The following SCN3A variants were observed in gnomAD, a reference collection of about 807,000 sequenced individuals.
SCN3A encodes sodium channel protein type 3 subunit alpha.
A neutral mutation model predicts 187.6 loss-of-function variants in SCN3A; 60 were observed. The ratio of observed to expected loss-of-function variants is 0.32; its 90% CI spans 0.26 to 0.40. SCN3A has a LOEUF of 0.40. Ranked by LOEUF, SCN3A falls within the 10% of genes least tolerant of loss-of-function variation. SCN3A has a pLI of 1.00. For missense variants in SCN3A, 1,601 were observed against 2,428.2 expected (o/e 0.66, Z 7.16); for synonymous variants, 788 against 829.2 (o/e 0.95, Z 0.85).
intron 21 of SCN3A, among the ~76,000 whole-genome samples, chr2:165,107,026 A>G (rs754880351): frequency 5.3e-5 from 8 of 152,190 alleles, no homozygotes; most frequent in Non-Finnish European, 1.2e-4. Flanking sequence ...TGAAGATGAC[A>G]TCTGGCCTGG....
chr2:165,162,300 T>C lies in SCN3A; in HGVS notation c.1031+8A>G. On this transcript the variant is annotated splice_region_variant and intron_variant, in intron 9 of 27. Transcript: ENST00000283254. ...TCTATATCTTAAAAAATATATTATG[T>C]TTCTTACCCTGCATCTGAGCCATTT... The C allele has an allele frequency of 6.2e-7, 1 of 1,610,248 alleles. No individual in the cohort carries two copies. Among genetic ancestry groups the C allele is most frequent in the South Asian group, 1.1e-5 (1 of 90,270 alleles).
intron 21 of SCN3A, among the ~76,000 whole-genome samples, chr2:165,105,721 G>A (rs1004758313): frequency 1.3e-4 from 20 of 152,106 alleles, no homozygotes; most frequent in African/African-American, 4.8e-4. Context: ...AGTCCAGACT[G>A]GGAGTGGTGG....
At chr2:165,156,322 C>T (rs546277523) in intron 9 of SCN3A, among the ~76,000 whole-genome samples, 83 of 150,874 alleles carry the variant, frequency 5.5e-4, no homozygotes, top group East Asian at 2.4e-3. Context: ...CTGGCTAACA[C>T]AGTGAAACTC....
chr2:165,187,778 A>C (rs1691334787), intron 1 of SCN3A, among the ~76,000 whole-genome samples: 1 of 152,184 alleles, frequency 6.6e-6, no homozygotes, highest in African/African-American at 2.4e-5. Context: ...CTCTTCTCTT[A>C]CCTCTCACCA....
chr2:165,094,785 G>A (rs368094847), intron 25 of SCN3A, among the ~76,000 whole-genome samples: 4 of 152,100 alleles, frequency 2.6e-5, no homozygotes, highest in African/African-American at 4.8e-5. Context: ...TTTCACTGCC[G>A]ATAATTTTAC....
At chr2:165,179,655 C>T (rs1050088084) in intron 2 of SCN3A, 4 of 152,188 alleles carry the variant, frequency 2.6e-5, no homozygotes, top group African/African-American at 4.8e-5. Flanking sequence ...TCTAAGTCCT[C>T]GGAAGATAGG....
chr2:165,190,591 T>G (rs4667798), intron 1 of SCN3A, among the ~76,000 whole-genome samples: 11,192 of 142,398 alleles, frequency 0.079, 1,139 homozygotes, highest in East Asian at 0.46. Flanking sequence ...AAACTTTATA[T>G]ATATATAACT....
chr2:165,163,005 G>A (rs894056651), intron 7 of SCN3A, among the ~76,000 whole-genome samples, 177 bp from the exon 8 acceptor site: 4 of 152,176 alleles, frequency 2.6e-5, no homozygotes, highest in Non-Finnish European at 5.9e-5. Context: ...CACATGAACA[G>A]TGTGCTTGCT....
rs1574304741 is a variant in SCN3A, at chr2:165,177,124, T to C, written c.-50-680A>G. Reference sequence around the variant, plus strand: ...CCTATCTTTAGTATTTCCTTTCTTTTATTAAGCCAGACTCTGTTTCCTTCT... The same window carrying C: ...CCTATCTTTAGTATTTCCTTTCTTTCATTAAGCCAGACTCTGTTTCCTTCT... On this transcript the variant is annotated intron_variant, in intron 2 of 27. Coordinates refer to ENST00000283254, the MANE Select transcript of SCN3A (RefSeq NM_006922.4). Among the ~76,000 whole-genome samples the C allele has an allele frequency of 2.6e-5, 4 of 152,194 alleles. No homozygotes were observed. The East Asian group carries it at 7.7e-4, about 29-fold the overall frequency.
At chr2:165,133,369 T>TTTTGAGACAGAGTCTCCC (rs1435830427) in intron 15 of SCN3A, among the ~76,000 whole-genome samples, 2 of 152,192 alleles carry the variant, frequency 1.3e-5, no homozygotes, top group Non-Finnish European at 2.9e-5. Context: ...TATTATTTTT[T>TTTTGAGACAGAGTCTCCC]TTTGAGACAG....
At chr2:165,139,076 T>A (rs1687838018) in intron 14 of SCN3A, among the ~76,000 whole-genome samples, 2 of 152,226 alleles carry the variant, frequency 1.3e-5, no homozygotes, top group South Asian at 4.1e-4. Context: ...CCCAACTCAT[T>A]TAAGTGCTCC....
At chr2:165,164,822 T>A (rs569580521) in intron 5 of SCN3A, among the ~76,000 whole-genome samples, 3 of 152,298 alleles carry the variant, frequency 2.0e-5, no homozygotes, top group Admixed American at 1.3e-4. Context: ...CAGCAGTATC[T>A]GATAGAAATG....
At chr2:165,107,559 T>C (rs1402398316) in intron 21 of SCN3A, among the ~76,000 whole-genome samples, 1 of 152,254 alleles carries the variant, frequency 6.6e-6, no homozygotes, top group Non-Finnish European at 1.5e-5. Flanking sequence ...TAGATAAAAT[T>C]CAAGGCAGGT....
chr2:165,089,201 C>G lies in SCN3A; in HGVS notation c.*949G>C, dbSNP rs1250536727. 1.3e-5 allele frequency: 2 copies of G among 152,490 alleles called. No homozygotes were observed. Among genetic ancestry groups the G allele is most frequent in the Admixed American group, 6.6e-5 (1 of 15,238 alleles). The allele number at this position is 152,490 out of a possible 1,614,324, so 9.4% of individuals were successfully genotyped here. On this transcript the variant is annotated 3_prime_UTR_variant, in exon 28 of 28. Coordinates refer to ENST00000283254, the MANE Select transcript of SCN3A (RefSeq NM_006922.4). ...GTTTATCAGGCTATATATATATTTG[C>G]CCAAACATGCACCACAGGATAAAAT...
At chr2:165,115,596 C>G (rs753013574) in intron 18 of SCN3A, 21 bp from the exon 19 acceptor site, 1 of 1,611,220 alleles carries the variant, frequency 6.2e-7, no homozygotes. Context: ...AATCCCATTT[C>G]AAAGATGTGA....
chr2:165,148,600 T>C (rs942450281), intron 11 of SCN3A, among the ~76,000 whole-genome samples: 1 of 152,094 alleles, frequency 6.6e-6, no homozygotes, highest in Non-Finnish European at 1.5e-5. Context: ...TAGTACTAAA[T>C]ATGATTTTAA....
chr2:165,183,394 A>G (rs1323110176), intron 2 of SCN3A, among the ~76,000 whole-genome samples: 2 of 152,234 alleles, frequency 1.3e-5, no homozygotes, highest in East Asian at 3.9e-4. Flanking sequence ...CTGTATATAA[A>G]TAACTACAGA....
At chr2:165,138,737 T>C (rs1687816128) in intron 14 of SCN3A, among the ~76,000 whole-genome samples, 1 of 152,164 alleles carries the variant, frequency 6.6e-6, no homozygotes, top group South Asian at 2.1e-4. Context: ...AAATAATTAT[T>C]ATGTGACTGT....
intron 20 of SCN3A, among the ~76,000 whole-genome samples, 167 bp downstream of exon 20, chr2:165,113,649 A>T (rs1686222354): frequency 6.6e-6 from 1 of 152,154 alleles, no homozygotes; most frequent in Non-Finnish European, 1.5e-5. Flanking sequence ...CATGGTGCTG[A>T]TTTGTTCAGA....
Sources: allele counts gnomAD v4.1 joint callset (sites outside exome capture counted in the v4.1 genomes callset), GRCh38; gene constraint gnomAD v4.1.1; transcripts MANE v1.5; gene names NCBI Gene and HGNC (gene_info 2026-07-23, HGNC 2026-07-21).